INTS15: variants seen among roughly 807,000 people sequenced by gnomAD.
INTS15 encodes the protein integrator complex subunit 15.
chr7:6,602,961 G>A, the INTS15 span, among the ~76,000 whole-genome samples: 18 of 152,194 alleles, frequency 1.2e-4, no homozygotes, highest in African/African-American at 4.3e-4. Flanking sequence ...AGTGAAAACA[G>A]GCCAGGGCTG....
At chr7:6,592,994 A>G in the INTS15 span, among the ~76,000 whole-genome samples, 2 of 152,012 alleles carry the variant, frequency 1.3e-5, no homozygotes, top group Non-Finnish European at 2.9e-5. Flanking sequence ...ACTCTCCTGA[A>G]TCTCTTCAAT....
the INTS15 span, among the ~76,000 whole-genome samples, chr7:6,598,867 A>G: frequency 6.6e-6 from 1 of 150,542 alleles, no homozygotes; most frequent in Non-Finnish European, 1.5e-5. Flanking sequence ...GCTGACTGCA[A>G]CCTTCACCTC....
the INTS15 span, chr7:6,600,412 AG>A: frequency 6.6e-7 from 1 of 1,518,436 alleles, no homozygotes; most frequent in East Asian, 2.3e-5. Flanking sequence ...GCCCTGCAGA[AG>A]GAAGGAGGGG....
chr7:6,596,541 G>C, the INTS15 span, among the ~76,000 whole-genome samples: 1 of 148,696 alleles, frequency 6.7e-6, no homozygotes, highest in Non-Finnish European at 1.5e-5. Context: ...ACCACACCCG[G>C]CTACTTTTTG....
the INTS15 span, chr7:6,602,291 G>C: frequency 1.8e-5 from 11 of 606,724 alleles, no homozygotes; most frequent in Non-Finnish European, 3.2e-5. Flanking sequence ...CACGTGAATG[G>C]AACTCAAGTA....
the INTS15 span, among the ~76,000 whole-genome samples, chr7:6,592,742 G>A: frequency 6.6e-6 from 1 of 151,554 alleles, no homozygotes; most frequent in Non-Finnish European, 1.5e-5. Context: ...CCAAGTAGCT[G>A]GGACCACAGG....
At chr7:6,591,116 G>T in the INTS15 span, among the ~76,000 whole-genome samples, 1 of 151,878 alleles carries the variant, frequency 6.6e-6, no homozygotes, top group Non-Finnish European at 1.5e-5. Context: ...AATTACAGGC[G>T]TGAGCCACAA....
At chr7:6,591,369 C>T in the INTS15 span, among the ~76,000 whole-genome samples, 1 of 150,782 alleles carries the variant, frequency 6.6e-6, no homozygotes, top group Non-Finnish European at 1.5e-5. Context: ...CAGGTTCAAG[C>T]GAGATTCCTG....
chr7:6,594,493 G>C, the INTS15 span: 1 of 1,614,168 alleles, frequency 6.2e-7, no homozygotes, highest in Admixed American at 1.7e-5. Context: ...GACTACTGCT[G>C]TTTGGTGCCG....
chr7:6,593,767 G>A, the INTS15 span, among the ~76,000 whole-genome samples: 2 of 149,128 alleles, frequency 1.3e-5, no homozygotes, highest in Non-Finnish European at 3.0e-5. Flanking sequence ...CTTCCGCCTC[G>A]GCCTCCTGAG....
the INTS15 span, chr7:6,602,066 G>C: frequency 4.6e-5 from 74 of 1,599,702 alleles, no homozygotes; most frequent in Non-Finnish European, 6.2e-5. Context: ...GTTGTCTCCA[G>C]TATGTTCATT....
chr7:6,599,805 T>A, the INTS15 span: 1 of 1,606,012 alleles, frequency 6.2e-7, no homozygotes, highest in Non-Finnish European at 8.5e-7. Flanking sequence ...AGAGTGCTCC[T>A]GACCTAATGG....
chr7:6,599,480 C>T, the INTS15 span, among the ~76,000 whole-genome samples: 3 of 152,158 alleles, frequency 2.0e-5, no homozygotes, highest in East Asian at 1.9e-4. Context: ...TGACGTGTGG[C>T]AGTGTGGGAT....
the INTS15 span, among the ~76,000 whole-genome samples, chr7:6,601,327 G>A: frequency 1.3e-5 from 2 of 150,662 alleles, no homozygotes; most frequent in African/African-American, 2.4e-5. Context: ...GTGGAGTCTC[G>A]CTTCTTTGCC....
chr7:6,607,878 G>T, the INTS15 span: 227 of 1,563,858 alleles, frequency 1.5e-4, no homozygotes, highest in Non-Finnish European at 1.9e-4. The surrounding 1 kb of genome is among the most constrained non-coding windows in gnomAD (Gnocchi z 6.0). Flanking sequence ...GGCGGGGTGC[G>T]GGGGGACGGG....
the INTS15 span, among the ~76,000 whole-genome samples, chr7:6,598,506 C>T: frequency 2.7e-5 from 4 of 149,184 alleles, no homozygotes; most frequent in Non-Finnish European, 5.9e-5. Context: ...ACAGCAGCTG[C>T]TCCCCGCTGT....
the INTS15 span, among the ~76,000 whole-genome samples, chr7:6,593,267 C>T: frequency 1.6e-4 from 25 of 151,614 alleles, no homozygotes; most frequent in Non-Finnish European, 3.2e-4. Flanking sequence ...TAAGCGCGAT[C>T]ACGTCTCAGT....
chr7:6,600,407 G>C, the INTS15 span: 1 of 1,533,574 alleles, frequency 6.5e-7, no homozygotes, highest in Non-Finnish European at 8.8e-7. Context: ...CCGCCGCCCT[G>C]CAGAAGGAAG....
the INTS15 span, chr7:6,602,794 G>T: frequency 6.4e-6 from 3 of 469,384 alleles, no homozygotes; most frequent in South Asian, 4.7e-5. Context: ...AGAGAATCCG[G>T]GCCTTGCCAC....
Sources: gnomAD v4.1 joint callset for allele counts (sites outside exome capture counted in the v4.1 genomes callset) on GRCh38, gnomAD v4.1.1 for gene constraint, Gnocchi (gnomAD v3.1) non-coding constraint, MANE v1.5 for transcripts, NCBI Gene and HGNC (gene_info 2026-07-23, HGNC 2026-07-21) for gene names.